The following CSMD2 variants were observed in gnomAD, a reference collection of about 807,000 sequenced individuals.
CSMD2 encodes the protein CUB and Sushi multiple domains 2.
Under a neutral mutation model 398.5 loss-of-function variants are expected in CSMD2, and 130 were observed. That is an observed-to-expected ratio of 0.33 (90% CI 0.28 to 0.38). The LOEUF (loss-of-function observed/expected upper bound fraction) is 0.38. CSMD2 is among the 10% of genes least tolerant of loss of function. CSMD2 has a pLI of 1.00. For synonymous variants in CSMD2, 1,828 were observed against 1,908.5 expected, an observed-to-expected ratio of 0.96 and a Z score of 1.10; for missense variants, 3,829 against 4,764.9, an observed-to-expected ratio of 0.80 and a Z score of 5.78.
intron 44 of CSMD2, chr1:33,600,595 G>A: frequency 1.8e-6 from 1 of 548,660 alleles, no homozygotes; most frequent in Non-Finnish European, 3.2e-6. Flanking sequence ...TGATGTGAAT[G>A]AGTGGACTTG....
intron 25 of CSMD2, among the ~76,000 whole-genome samples, chr1:33,679,414 A>C (rs1205753139): frequency 1.3e-5 from 2 of 152,104 alleles, no homozygotes; most frequent in East Asian, 1.9e-4. Flanking sequence ...GTTGGCCAGG[A>C]TGGTCTCAAT....
chr1:33,872,072 T>G (rs182283085), intron 5 of CSMD2, among the ~76,000 whole-genome samples: 139 of 152,308 alleles, frequency 9.1e-4, no homozygotes, highest in Non-Finnish European at 1.6e-3. Context: ...CACATGACAT[T>G]TGGGGGACCC....
chr1:33,880,912 C>T (rs990812848), intron 5 of CSMD2, among the ~76,000 whole-genome samples: 1 of 152,146 alleles, frequency 6.6e-6, no homozygotes, highest in African/African-American at 2.4e-5. Flanking sequence ...ATGATTTTCC[C>T]CCATTCACCC....
At chr1:34,048,278 A>G (rs1558299797) in intron 2 of CSMD2, among the ~76,000 whole-genome samples, 1 of 152,182 alleles carries the variant, frequency 6.6e-6, no homozygotes, top group Non-Finnish European at 1.5e-5. Flanking sequence ...AATCAGGCTT[A>G]GTGACATCAC....
At chr1:33,607,232 T>C (rs1356955518) in intron 41 of CSMD2, among the ~76,000 whole-genome samples, 1 of 152,168 alleles carries the variant, frequency 6.6e-6, no homozygotes, top group Non-Finnish European at 1.5e-5. Context: ...GGCTAGGAGT[T>C]GCTTATGCTG....
chr1:33,821,648 A>G (rs894596712), intron 7 of CSMD2, among the ~76,000 whole-genome samples: 1 of 152,232 alleles, frequency 6.6e-6, no homozygotes, highest in African/African-American at 2.4e-5. Context: ...CACAACAAGC[A>G]TTCATTGAGC....
rs1570798328 is a variant in CSMD2 at position 33,577,887 on chromosome 1, G to A, written c.7388-403C>T. Among the ~76,000 whole-genome samples, 3 of 152,258 alleles carry A rather than the reference G, an allele frequency of 2.0e-5. No individual in the cohort carries two copies. The South Asian group carries it at 6.2e-4, about 32-fold the overall frequency. On this transcript the variant is annotated intron_variant, in intron 48 of 70. Coordinates refer to ENST00000373381, the MANE Select transcript of CSMD2 (RefSeq NM_001281956.2). ...GTGGACTTTGACCTTAGTGAGGGCT[G>A]GGCTCCAGTCCCGTTTCTGATCTGA... is the stretch of plus-strand genomic sequence containing the variant.
At chr1:34,138,177 G>T (rs1297562231) in intron 1 of CSMD2, among the ~76,000 whole-genome samples, 3 of 152,182 alleles carry the variant, frequency 2.0e-5, no homozygotes, top group Non-Finnish European at 4.4e-5. Context: ...TCCCTTTTAT[G>T]ATCCTTCTGG....
intron 5 of CSMD2, among the ~76,000 whole-genome samples, chr1:33,855,778 A>G (rs1418189937): frequency 5.3e-5 from 8 of 152,174 alleles, no homozygotes; most frequent in Admixed American, 5.2e-4. Context: ...AACAGGGTGC[A>G]GGCCTCAAGA....
intron 8 of CSMD2, 123 bp downstream of exon 8, chr1:33,820,346 T>C (rs922651409): frequency 4.2e-6 from 3 of 716,812 alleles, no homozygotes; most frequent in African/African-American, 1.8e-5. Context: ...CTCCAGGAAG[T>C]GTCTGTTCCT....
rs750031984 is a variant in CSMD2, at chr1:33,605,359, T to C, written c.6455A>G (p.Gln2152Arg). Residue 2152 changes from glutamine (Q) to arginine (R), a missense_variant, in exon 42 of 71, where the codon CAA becomes CGA. Transcript: ENST00000373381. Reference sequence around the variant, plus strand: ...CGTGAGGACAGGGTGGCCAGTCAATTGATACCCCGGGAGGCACTCGAAGGT... The same window carrying C: ...CGTGAGGACAGGGTGGCCAGTCAATCGATACCCCGGGAGGCACTCGAAGGT... ...SVTFECLPGY[Q>R]LTGHPVLTCQ... 1 of 1,614,158 alleles carries C rather than the reference T, an allele frequency of 6.2e-7. No homozygotes were observed. The highest frequency in any genetic ancestry group is 8.5e-7 in the Non-Finnish European group (1 of 1,180,028).
In CSMD2 at chr1:33,542,473, G is replaced by A. The variant is rs116677686; in HGVS notation, c.9277+247C>T. Among the ~76,000 whole-genome samples the A allele has an allele frequency of 4.4e-3, 675 of 152,348 alleles. 7 individuals are homozygous for A. The highest frequency in any genetic ancestry group is 0.016 in the African/African-American group (652 of 41,578). On this transcript the variant is annotated intron_variant, in intron 58 of 70. Coordinates refer to ENST00000373381, the MANE Select transcript of CSMD2 (RefSeq NM_001281956.2). The stretch of plus-strand genomic sequence containing the variant: ...TCTCATATACAAAATGGGGATAATA[G>A]TAGCTACTTCACGGAGTTACGGAGT...
chr1:33,701,022 G>T (rs2149122211), intron 22 of CSMD2, among the ~76,000 whole-genome samples: 1 of 152,294 alleles, frequency 6.6e-6, no homozygotes, highest in African/African-American at 2.4e-5. Flanking sequence ...GGTTTGGGTT[G>T]CCTGCTTGTC....
intron 13 of CSMD2, among the ~76,000 whole-genome samples, chr1:33,766,804 A>T (rs1650561532): frequency 6.6e-6 from 1 of 152,270 alleles, no homozygotes; most frequent in Non-Finnish European, 1.5e-5. Context: ...ATCTTTAGAA[A>T]AGTGAAAGTA....
intron 3 of CSMD2, among the ~76,000 whole-genome samples, chr1:33,940,091 T>C (rs191367752): frequency 2.6e-5 from 4 of 152,204 alleles, no homozygotes; most frequent in Non-Finnish European, 4.4e-5. Flanking sequence ...TTGAAACTTG[T>C]AGGTGAATCC....
chr1:33,633,326 C>T lies in CSMD2; in HGVS notation c.5200+96G>A, dbSNP rs1156948335. On this transcript the variant is annotated intron_variant, in intron 32 of 70. Transcript: ENST00000373381. The surrounding 1 kb of genome is among the most constrained non-coding windows in gnomAD (Gnocchi z 5.0). ...AGGCACGCAGAGCCGTAGGGTTCCA[C>T]CTGCGGCCATGGGGTGCTTCTAGAG... The T allele has an allele frequency of 1.1e-6, 1 of 883,592 alleles. No individual in the cohort carries two copies. Among genetic ancestry groups the T allele is most frequent in the East Asian group, 2.7e-5 (1 of 37,714 alleles). The allele number at this position is 883,592 out of a possible 1,614,324, so 54.7% of individuals were successfully genotyped here. A position where few individuals can be genotyped will look rare whatever the true frequency, so the allele number is the denominator to read the frequency against.
intron 25 of CSMD2, 91 bp downstream of exon 25, chr1:33,692,839 G>T: frequency 1.3e-6 from 2 of 1,496,736 alleles, no homozygotes; most frequent in Non-Finnish European, 1.8e-6. Flanking sequence ...AGGCAGGCAG[G>T]CCAGGCACTA....
chr1:33,908,015 A>G (rs952555752), intron 5 of CSMD2, among the ~76,000 whole-genome samples: 3 of 133,824 alleles, frequency 2.2e-5, no homozygotes, highest in Non-Finnish European at 4.6e-5. Context: ...TGAACCTGGG[A>G]GGTGGAGGCT....
At chr1:33,827,463 CT>C (rs1290718449) in intron 6 of CSMD2, among the ~76,000 whole-genome samples, 5 of 152,170 alleles carry the variant, frequency 3.3e-5, no homozygotes, top group African/African-American at 9.7e-5. Flanking sequence ...CCCCTTTTCC[CT>C]TAAGTGTTTG....
Sources: gnomAD v4.1 joint callset for allele counts (sites outside exome capture counted in the v4.1 genomes callset) on GRCh38, gnomAD v4.1.1 for gene constraint, Gnocchi (gnomAD v3.1) non-coding constraint, MANE v1.5 for transcripts, NCBI Gene and HGNC (gene_info 2026-07-23, HGNC 2026-07-21) for gene names.